The following NEXMIF variants were observed in gnomAD, a reference collection of about 807,000 sequenced individuals.
NEXMIF encodes XLMR protein related to neurite extension.
Under a neutral mutation model 62.1 loss-of-function variants are expected in NEXMIF, and 8 were observed. The observed-to-expected ratio is 0.13, with a 90% CI of 0.08 to 0.23. The LOEUF is 0.23. Ranked by LOEUF, NEXMIF falls within the 10% of genes least tolerant of loss-of-function variation. The pLI is 1.00. For synonymous variants in NEXMIF, 404 were observed against 416.6 expected (o/e 0.97, Z 0.37); for missense variants, 976 against 1,113.3 (o/e 0.88, Z 1.75).
intron 1 of NEXMIF, among the ~76,000 whole-genome samples, chrX:74,882,191 C>G (rs774714115): frequency 1.7e-4 from 19 of 112,237 alleles, no homozygotes; most frequent in Non-Finnish European, 3.6e-4. Flanking sequence ...CGAATAGGAA[C>G]AGCTCCGGTC....
At chrX:74,869,090 T>C (rs1245196916) in intron 1 of NEXMIF, among the ~76,000 whole-genome samples, 1 of 111,613 alleles carries the variant, frequency 9.0e-6, no homozygotes. Flanking sequence ...AACAATATAC[T>C]AGCAAAGTTC....
intron 1 of NEXMIF, among the ~76,000 whole-genome samples, chrX:74,798,924 A>T (rs1340033427): frequency 4.5e-5 from 5 of 110,134 alleles, no homozygotes; most frequent in African/African-American, 1.7e-4. Context: ...GGGAAAATAG[A>T]ACAGTTGGAG....
intron 1 of NEXMIF, among the ~76,000 whole-genome samples, chrX:74,920,262 T>G (rs1283266266): frequency 9.0e-6 from 1 of 110,909 alleles, no homozygotes. Context: ...AGTGTTCCTA[T>G]TTCTCCACAT....
At chrX:74,883,445 C>T (rs987636456) in intron 1 of NEXMIF, among the ~76,000 whole-genome samples, 1 of 111,362 alleles carries the variant, frequency 9.0e-6, no homozygotes. Flanking sequence ...GGAGAGAAGA[C>T]CTTAAAGGAC....
rs778849667 is a variant in NEXMIF, at chrX:74,744,160, C to T, written c.397G>A (p.Ala133Thr). Residue 133 changes from alanine to threonine, a missense_variant, in exon 3 of 4, where the codon GCT becomes ACT. Transcript: ENST00000055682. Reference sequence around the variant, plus strand: ...TGCATGAGACAGTCCCCATTCAGAGCTGACATGCCTGCAGGCTCCATTATG... The same window carrying T: ...TGCATGAGACAGTCCCCATTCAGAGTTGACATGCCTGCAGGCTCCATTATG... ...FAIMEPAGMS[A>T]LNGDCLMQPS... is the part of the protein sequence containing the mutation. 2 of 1,211,453 alleles carry T rather than the reference C, an allele frequency of 1.7e-6. No individual in the cohort carries two copies. The highest frequency in any genetic ancestry group is 1.8e-5 in the South Asian group (1 of 56,948).
At chrX:74,826,207 C>T (rs1379261018) in intron 1 of NEXMIF, among the ~76,000 whole-genome samples, 2 of 112,024 alleles carry the variant, frequency 1.8e-5, no homozygotes, top group Non-Finnish European at 3.8e-5. Context: ...TAGTAATAGC[C>T]ATTCTGACTA....
chrX:74,793,146 C>T (rs2080291752), intron 1 of NEXMIF, among the ~76,000 whole-genome samples: 1 of 111,170 alleles, frequency 9.0e-6, no homozygotes, highest in Non-Finnish European at 1.9e-5. Flanking sequence ...GTGCTTCCTT[C>T]AGGAGCTCTT....
At chrX:74,905,980 A>G (rs1028622420) in intron 1 of NEXMIF, among the ~76,000 whole-genome samples, 12 of 111,216 alleles carry the variant, frequency 1.1e-4, no homozygotes. Context: ...GAGAAATAGG[A>G]AAAAAAAGGC....
intron 1 of NEXMIF, among the ~76,000 whole-genome samples, chrX:74,868,436 C>T (rs2080587974): frequency 9.0e-6 from 1 of 111,607 alleles, no homozygotes. Flanking sequence ...CCATTGAATA[C>T]TATGCAGGCA....
At chrX:74,764,105 T>G (rs1003638614) in intron 1 of NEXMIF, among the ~76,000 whole-genome samples, 5 of 111,752 alleles carry the variant, frequency 4.5e-5, no homozygotes. Context: ...GCTGTGGGTT[T>G]GTCATAGATA....
intron 1 of NEXMIF, among the ~76,000 whole-genome samples, chrX:74,884,352 A>G (rs2080680764): frequency 8.9e-6 from 1 of 111,952 alleles, no homozygotes; most frequent in Admixed American, 9.5e-5. Flanking sequence ...CAGACTGGCA[A>G]ATTGGATAAA....
At chrX:74,796,264 T>TG (rs1195124286) in intron 1 of NEXMIF, among the ~76,000 whole-genome samples, 1 of 16,426 alleles carries the variant, frequency 6.1e-5, no homozygotes, top group Non-Finnish European at 4.0e-4. Context: ...ATTATATATA[T>TG]TATATATATA....
intron 1 of NEXMIF, among the ~76,000 whole-genome samples, chrX:74,746,462 TAGG>T (rs201937887): frequency 0.017 from 1,939 of 111,874 alleles, 35 homozygotes; most frequent in Admixed American, 0.071. Context: ...TGCAAAATGA[TAGG>T]AGATGAGATG....
chrX:74,841,580 G>C (rs2080474043), intron 1 of NEXMIF, among the ~76,000 whole-genome samples: 1 of 111,802 alleles, frequency 8.9e-6, no homozygotes, highest in Admixed American at 9.5e-5. Context: ...TATGCTTCCA[G>C]CTTTTCCCCA....
In NEXMIF at chrX:74,876,066, A is replaced by C. The variant is rs185842536; in HGVS notation, c.-48+48817T>G. Among the ~76,000 whole-genome samples, 818 of 110,057 alleles carry C rather than the reference A, an allele frequency of 7.4e-3. 4 individuals are homozygous for C. Among genetic ancestry groups the C allele is most frequent in the Non-Finnish European group, 0.013 (689 of 52,627 alleles). On this transcript the variant is annotated intron_variant, in intron 1 of 3. Transcript: ENST00000055682. ...TGAATGTGTTTGCTCTTGCTTTTCT[A>C]GTTCCTTTGTGATGTTAGGGTGTCA...
rs1242048951 is a variant in NEXMIF at position 74,738,834 on chromosome X, GTATATATATA to G, written c.*561_*570del. On this transcript the variant is annotated 3_prime_UTR_variant, in exon 4 of 4. Coordinates refer to ENST00000055682, the MANE Select transcript of NEXMIF (RefSeq NM_001008537.3). ...AAACTTTAAAAGAACGTGTGTGTGT[GTATATATATA>G]TATACATATATATACACACACACAC... is the stretch of plus-strand genomic sequence containing the variant. The G allele has an allele frequency of 9.5e-6, 1 of 105,163 alleles. No individual in the cohort carries two copies. The highest frequency in any genetic ancestry group is 3.0e-4 in the East Asian group (1 of 3,366). 8.7% of individuals were successfully genotyped at this position (105,163 alleles called of 1,213,427 possible). A position where few individuals can be genotyped will look rare whatever the true frequency, so the allele number is the denominator to read the frequency against.
chrX:74,872,923 AT>A (rs1323183912), intron 1 of NEXMIF, among the ~76,000 whole-genome samples: 6 of 108,516 alleles, frequency 5.5e-5, no homozygotes, highest in African/African-American at 2.0e-4. Flanking sequence ...GCAATGCCTT[AT>A]TTTTTTATTT....
intron 1 of NEXMIF, among the ~76,000 whole-genome samples, chrX:74,900,941 TTAG>T (rs958679192): frequency 8.9e-6 from 1 of 111,858 alleles, no homozygotes; most frequent in Middle Eastern, 4.2e-3. Context: ...CATGAGGTAT[TTAG>T]AGTCATCAAA....
chrX:74,831,524 C>A (rs904784502), intron 1 of NEXMIF, among the ~76,000 whole-genome samples: 8 of 110,199 alleles, frequency 7.3e-5, no homozygotes, highest in Non-Finnish European at 1.3e-4. Flanking sequence ...GACATGAACT[C>A]TTCATTTTTT....
Sources: gnomAD v4.1 joint callset for allele counts (sites outside exome capture counted in the v4.1 genomes callset) on GRCh38, gnomAD v4.1.1 for gene constraint, MANE v1.5 for transcripts, NCBI Gene and HGNC (gene_info 2026-07-23, HGNC 2026-07-21) for gene names.